ERC2: variants seen among roughly 807,000 people sequenced by gnomAD.
ERC2 encodes ERC protein 2.
A neutral mutation model predicts 114.8 loss-of-function variants in ERC2; 42 were observed. That is an observed-to-expected ratio of 0.37 (90% confidence interval 0.29 to 0.47). The LOEUF (loss-of-function observed/expected upper bound fraction) is 0.47, where lower values mean the gene tolerates loss of function less well. Among genes scored for constraint, ERC2 ranks in the 20% least tolerant of loss-of-function variants. The pLI, the probability that ERC2 is intolerant of heterozygous loss-of-function variation, is 0.99. For missense variants in ERC2, 939 were observed against 1,150.7 expected (o/e 0.82, Z 2.66); for synonymous variants, 454 against 425.5 (o/e 1.07, Z -0.82).
rs1456305139 is a variant in ERC2, at chr3:55,877,926, C to G, written c.2564+10463G>C. On this transcript the variant is annotated intron_variant, in intron 14 of 17. Transcript: ENST00000288221. ...GGCAACGCCCCCTACAGTATTAGAT[C>G]AGGTACTGGTCAGAATTCTTTCAAT... 2.6e-5 allele frequency among the ~76,000 whole-genome samples: 4 copies of G among 152,220 alleles called. No individual in the cohort carries two copies. The East Asian group carries it at 7.7e-4, about 29-fold the overall frequency.
At chr3:56,464,011 T>C (rs1481521015) in intron 1 of ERC2, among the ~76,000 whole-genome samples, 1 of 152,188 alleles carries the variant, frequency 6.6e-6, no homozygotes, top group Non-Finnish European at 1.5e-5. Context: ...GCCAGCCCTC[T>C]AAAATCAAAC....
intron 13 of ERC2, among the ~76,000 whole-genome samples, chr3:55,917,919 T>C (rs999179854): frequency 2.6e-5 from 4 of 152,066 alleles, no homozygotes; most frequent in Admixed American, 6.6e-5. Context: ...CACTATCTGC[T>C]AATTGAGAGT....
chr3:56,384,099 C>T (rs1255170533), intron 2 of ERC2, among the ~76,000 whole-genome samples: 1 of 152,130 alleles, frequency 6.6e-6, no homozygotes, highest in East Asian at 1.9e-4. Context: ...CATTCATCCA[C>T]TGAGGGACAT....
In ERC2 at chr3:56,242,778, TATA is replaced by T. The variant is rs565387721; in HGVS notation, c.1074+53238_1074+53240del. Among the ~76,000 whole-genome samples the T allele has an allele frequency of 4.7e-3, 718 of 151,986 alleles. 6 individuals carry two copies. Among genetic ancestry groups the T allele is most frequent in the African/African-American group, 0.017 (696 of 41,466 alleles). The stretch of plus-strand genomic sequence containing the variant: ...AAGTTTGCTGAGCTATGCAAGAAAA[TATA>T]AGACCCTAGAGCACAGAGGCCATGT... On this transcript the variant is annotated intron_variant, in intron 3 of 17. Transcript: ENST00000288221.
chr3:56,293,788 A>G (rs1321757734), intron 3 of ERC2, among the ~76,000 whole-genome samples: 2 of 152,218 alleles, frequency 1.3e-5, no homozygotes, highest in African/African-American at 4.8e-5. Flanking sequence ...TATCCACACC[A>G]GACCATTGTG....
chr3:55,776,593 C>A (rs1021534855), intron 14 of ERC2, among the ~76,000 whole-genome samples: 4 of 152,076 alleles, frequency 2.6e-5, no homozygotes, highest in African/African-American at 9.7e-5. Context: ...CTCATGTGAG[C>A]CTGGGGGTAC....
intron 6 of ERC2, among the ~76,000 whole-genome samples, chr3:56,096,433 C>T (rs1576914383): frequency 1.3e-5 from 2 of 152,182 alleles, no homozygotes; most frequent in Middle Eastern, 6.8e-3. Flanking sequence ...CAAGACATCA[C>T]GCTCAGAAGG....
chr3:55,741,271 T>C (rs965357999), intron 14 of ERC2, among the ~76,000 whole-genome samples: 10 of 152,104 alleles, frequency 6.6e-5, no homozygotes, highest in African/African-American at 2.4e-4. Flanking sequence ...TGAAATAGAT[T>C]AGGAAGCTTA....
chr3:55,772,173 C>T (rs1203119759), intron 14 of ERC2, among the ~76,000 whole-genome samples: 1 of 152,200 alleles, frequency 6.6e-6, no homozygotes, highest in African/African-American at 2.4e-5. Flanking sequence ...GACAAAGTCT[C>T]ACTCTGTCAC....
intron 15 of ERC2, among the ~76,000 whole-genome samples, chr3:55,706,654 C>T (rs1448588427): frequency 6.6e-6 from 1 of 151,990 alleles, no homozygotes; most frequent in Admixed American, 6.6e-5. Context: ...TCAGGTGATC[C>T]ACCCACCTCA....
intron 17 of ERC2, among the ~76,000 whole-genome samples, chr3:55,675,821 A>G (rs2061759794): frequency 6.8e-6 from 1 of 147,924 alleles, no homozygotes; most frequent in South Asian, 2.2e-4. Context: ...TAATTCTTTT[A>G]GAAGCTTTGG....
Position 56,296,373 on chromosome 3 carries a change from G to A in ERC2, c.720C>T (p.His240=), listed in dbSNP as rs74804174. ...DELRTQRDLN[H]LLQQESGNRG... ...GGTTGCCACTCTCTTGCTGGAGGAG[G>A]TGGTTGAGGTCTCTCTGGGTTCGCA... The change falls in exon 3 of 18, where the codon CAC becomes CAT. Residue 240 remains histidine (H), a synonymous_variant. Coordinates refer to ENST00000288221, the MANE Select transcript of ERC2 (RefSeq NM_015576.3). The A allele has an allele frequency of 6.2e-7, 1 of 1,614,018 alleles. No homozygotes were observed. Among genetic ancestry groups the A allele is most frequent in the Non-Finnish European group, 8.5e-7 (1 of 1,179,886 alleles).
intron 2 of ERC2, among the ~76,000 whole-genome samples, chr3:56,374,708 C>T (rs1324439151): frequency 2.6e-5 from 4 of 152,100 alleles, no homozygotes; most frequent in South Asian, 2.1e-4. Flanking sequence ...ATCCTCAAAG[C>T]GCTTCTGTGG....
intron 2 of ERC2, among the ~76,000 whole-genome samples, chr3:56,412,434 C>G (rs1418367488): frequency 3.3e-5 from 5 of 152,214 alleles, no homozygotes; most frequent in Non-Finnish European, 7.3e-5. Context: ...AATCCACATC[C>G]CCACTCTACA....
At chr3:56,140,661 A>T (rs930726214) in intron 5 of ERC2, among the ~76,000 whole-genome samples, 11 of 152,202 alleles carry the variant, frequency 7.2e-5, no homozygotes, top group South Asian at 2.1e-4. Flanking sequence ...CCTAGTTCAC[A>T]TAGCAATAAT....
intron 13 of ERC2, among the ~76,000 whole-genome samples, chr3:55,904,802 A>T (rs932492780): frequency 6.6e-6 from 1 of 152,228 alleles, no homozygotes; most frequent in Non-Finnish European, 1.5e-5. Context: ...GCCTCGTGGC[A>T]TCTTCTCCTT....
chr3:55,601,075 G>C (rs1297223066), intron 17 of ERC2, among the ~76,000 whole-genome samples: 1 of 152,254 alleles, frequency 6.6e-6, no homozygotes, highest in Non-Finnish European at 1.5e-5. Flanking sequence ...AGGAAGTGAG[G>C]CAGATGTGAG....
chr3:55,543,864 A>AGC (rs1224356739), intron 17 of ERC2, among the ~76,000 whole-genome samples: 1 of 152,058 alleles, frequency 6.6e-6, no homozygotes, highest in African/African-American at 2.4e-5. Context: ...TCTCTCTCGA[A>AGC]GCCTTACCTC....
At chr3:56,269,740 A>C (rs1261102448) in intron 3 of ERC2, among the ~76,000 whole-genome samples, 1 of 152,298 alleles carries the variant, frequency 6.6e-6, no homozygotes, top group South Asian at 2.1e-4. Context: ...ACCCTCAGCT[A>C]TGAAGAAAAG....
Sources: gnomAD v4.1 joint callset for allele counts (sites outside exome capture counted in the v4.1 genomes callset) on GRCh38, gnomAD v4.1.1 for gene constraint, MANE v1.5 for transcripts, NCBI Gene and HGNC (gene_info 2026-07-23, HGNC 2026-07-21) for gene names.